The following ZFPM2 variants were observed in gnomAD, a reference collection of about 807,000 sequenced individuals.
The protein encoded by ZFPM2 is zinc finger protein, FOG family member 2, also known as zinc finger protein ZFPM2.
ZFPM2 carries 20 observed loss-of-function variants against 98.6 expected under a neutral mutation model. The observed-to-expected ratio is 0.20, with a 90% CI of 0.14 to 0.29. The LOEUF is 0.29. ZFPM2 is among the 10% of genes least tolerant of loss of function. The probability of loss-of-function intolerance (pLI) is 1.00; values close to 1 mark genes in which losing one functional copy is unlikely to be tolerated. For missense variants in ZFPM2, 1,310 were observed against 1,388.6 expected (o/e 0.94, Z 0.90); for synonymous variants, 518 against 502.7 (o/e 1.03, Z -0.41).
At chr8:105,339,941 T>C (rs1194861053) in intron 1 of ZFPM2, among the ~76,000 whole-genome samples, 1 of 151,986 alleles carries the variant, frequency 6.6e-6, no homozygotes, top group Non-Finnish European at 1.5e-5. Flanking sequence ...AAAGGAGATC[T>C]TAAGGAATCA....
At chr8:105,380,336 C>G (rs1313974360) in intron 1 of ZFPM2, among the ~76,000 whole-genome samples, 1 of 151,104 alleles carries the variant, frequency 6.6e-6, no homozygotes, top group Non-Finnish European at 1.5e-5. Context: ...GAATGATGAC[C>G]CCACCCACTT....
chr8:105,419,327 T>C lies in ZFPM2; in HGVS notation c.199+25T>C, dbSNP rs766928580. 5 of 1,607,094 alleles carry C rather than the reference T, an allele frequency of 3.1e-6. No homozygotes were observed. In the East Asian group the frequency reaches 6.7e-5, roughly 22 times the overall value. On this transcript the variant is annotated intron_variant, in intron 2 of 7. Transcript: ENST00000407775. ...GGTAATTGTTGATGGTTGGATGTAA[T>C]ATGTGAGTCCACTTAAATGATTTTG...
intron 5 of ZFPM2, among the ~76,000 whole-genome samples, chr8:105,686,799 G>A (rs1355530412): frequency 6.6e-6 from 1 of 152,138 alleles, no homozygotes; most frequent in Non-Finnish European, 1.5e-5. Context: ...GCTTTAAAGT[G>A]TTTCTACAGA....
chr8:105,400,608 T>TA (rs1486202884), intron 1 of ZFPM2, among the ~76,000 whole-genome samples: 44 of 152,222 alleles, frequency 2.9e-4, no homozygotes, highest in African/African-American at 1.0e-3. Flanking sequence ...ATGGTGTTTT[T>TA]ATTGTGTGAT....
At chr8:105,502,467 T>C (rs1220173778) in intron 3 of ZFPM2, among the ~76,000 whole-genome samples, 2 of 152,000 alleles carry the variant, frequency 1.3e-5, no homozygotes, top group Non-Finnish European at 2.9e-5. Flanking sequence ...GGGAAAGTAG[T>C]GGCTATCCCT....
intron 1 of ZFPM2, among the ~76,000 whole-genome samples, chr8:105,369,882 G>T (rs1810584829): frequency 6.6e-6 from 1 of 152,086 alleles, no homozygotes; most frequent in African/African-American, 2.4e-5. Context: ...TGAAGAGCAT[G>T]AATACACATA....
At chr8:105,502,237 A>G (rs1208938793) in intron 3 of ZFPM2, among the ~76,000 whole-genome samples, 2 of 152,188 alleles carry the variant, frequency 1.3e-5, no homozygotes, top group African/African-American at 4.8e-5. Context: ...GAATTATTGA[A>G]GAAAGGTTCA....
chr8:105,411,562 C>T (rs1454731939), intron 1 of ZFPM2, among the ~76,000 whole-genome samples: 10 of 151,710 alleles, frequency 6.6e-5, no homozygotes, highest in Admixed American at 4.0e-4. Flanking sequence ...TGCCTTTCAT[C>T]GTTCGTACTT....
At chr8:105,360,638 A>C in intron 1 of ZFPM2, among the ~76,000 whole-genome samples, 2 of 109,764 alleles carry the variant, frequency 1.8e-5, no homozygotes, top group South Asian at 3.4e-4. Context: ...CCGACCCCAC[A>C]ACAGTCCCCA....
intron 1 of ZFPM2, among the ~76,000 whole-genome samples, chr8:105,390,391 A>G (rs1811083328): frequency 6.6e-6 from 1 of 152,230 alleles, no homozygotes; most frequent in African/African-American, 2.4e-5. Context: ...ATGAAGACAT[A>G]CGTAGGGCAA....
At chr8:105,575,600 C>T (rs1420298716) in intron 4 of ZFPM2, among the ~76,000 whole-genome samples, 1 of 152,012 alleles carries the variant, frequency 6.6e-6, no homozygotes, top group Non-Finnish European at 1.5e-5. Context: ...GTCATAGGGG[C>T]ATAGGTTCAA....
intron 6 of ZFPM2, among the ~76,000 whole-genome samples, chr8:105,796,181 T>G (rs1813806769): frequency 6.6e-6 from 1 of 152,218 alleles, no homozygotes; most frequent in South Asian, 2.1e-4. Flanking sequence ...TATCTTTACT[T>G]TGATTCTGAT....
At chr8:105,390,871 T>C (rs934926109) in intron 1 of ZFPM2, among the ~76,000 whole-genome samples, 31 of 152,154 alleles carry the variant, frequency 2.0e-4, no homozygotes, top group African/African-American at 7.2e-4. Flanking sequence ...AACTGCAGAC[T>C]GATATGAAGG....
At chr8:105,387,495 G>T (rs1171372607) in intron 1 of ZFPM2, 1 of 153,646 alleles carries the variant, frequency 6.5e-6, no homozygotes, top group African/African-American at 2.4e-5. Flanking sequence ...GCTAAGGCCC[G>T]GCGAGAAGTC....
chr8:105,535,560 T>G (rs768767766), intron 3 of ZFPM2, among the ~76,000 whole-genome samples: 1 of 152,202 alleles, frequency 6.6e-6, no homozygotes, highest in African/African-American at 2.4e-5. Context: ...ACAGTTTCGA[T>G]TCTCTGGAAA....
At chr8:105,703,801 G>A (rs1811197851) in intron 5 of ZFPM2, among the ~76,000 whole-genome samples, 1 of 152,128 alleles carries the variant, frequency 6.6e-6, no homozygotes, top group Non-Finnish European at 1.5e-5. Flanking sequence ...AGGGCAATAT[G>A]GCTCAGGTCA....
chr8:105,519,997 T>TA (rs985244224), intron 3 of ZFPM2, among the ~76,000 whole-genome samples: 15 of 152,032 alleles, frequency 9.9e-5, no homozygotes, highest in East Asian at 5.8e-4. Context: ...CTTTTCTAAC[T>TA]AAAAAAAATT....
intron 4 of ZFPM2, among the ~76,000 whole-genome samples, chr8:105,567,542 C>G (rs1207157066): frequency 6.6e-6 from 1 of 151,972 alleles, no homozygotes; most frequent in East Asian, 1.9e-4. Context: ...TCGCCACAAC[C>G]TTACTGGAAT....
In ZFPM2 at chr8:105,802,599, G is replaced by T. The variant is rs1442526576; in HGVS notation, c.2517G>T (p.Gln839His). 2 of 1,610,562 alleles carry T rather than the reference G, an allele frequency of 1.2e-6. No homozygotes were observed. Among genetic ancestry groups the T allele is most frequent in the South Asian group, 1.1e-5 (1 of 90,376 alleles). Residue 839 changes from glutamine to histidine, a missense_variant, in exon 8 of 8, where the codon CAG becomes CAT. By Grantham distance (24) the Gln-to-His change is conservative. Transcript: ENST00000407775. ...PIDLSKKCLS[Q>H]SERTTTSPKR... ...ATCTCAGCAAAAAGTGTTTATCTCA[G>T]TCTGAGCGGACGACCACGTCTCCCA...
Sources: allele counts gnomAD v4.1 joint callset (sites outside exome capture counted in the v4.1 genomes callset), GRCh38; gene constraint gnomAD v4.1.1; transcripts MANE v1.5; gene names NCBI Gene and HGNC (gene_info 2026-07-23, HGNC 2026-07-21).